The following LRBA variants were observed in gnomAD, a reference collection of about 807,000 sequenced individuals.
LRBA encodes the protein lipopolysaccharide-responsive and beige-like anchor protein.
A neutral mutation model predicts 330.0 loss-of-function variants in LRBA; 176 were observed. That is an observed-to-expected ratio of 0.53 (90% CI 0.47 to 0.60). LRBA has a LOEUF of 0.60. Among genes scored for constraint, LRBA ranks in the 20% least tolerant of loss-of-function variants. LRBA has a pLI of 0.00. For missense variants in LRBA, 3,259 were observed against 3,444.8 expected (o/e 0.95, Z 1.35); for synonymous variants, 1,230 against 1,193.0 (o/e 1.03, Z -0.64).
chr4:150,642,879 A>C (rs1778810835), intron 37 of LRBA, among the ~76,000 whole-genome samples: 1 of 151,864 alleles, frequency 6.6e-6, no homozygotes, highest in Non-Finnish European at 1.5e-5. Context: ...TCAAAGAAAA[A>C]ATGTTCAAAT....
chr4:150,757,398 C>G (rs938295767), intron 35 of LRBA, among the ~76,000 whole-genome samples: 3 of 152,124 alleles, frequency 2.0e-5, no homozygotes, highest in Non-Finnish European at 2.9e-5. Context: ...TGACACTCTA[C>G]AAGTCTGTTA....
chr4:150,478,915 T>C (rs1265409737), intron 42 of LRBA, among the ~76,000 whole-genome samples: 1 of 152,172 alleles, frequency 6.6e-6, no homozygotes, highest in African/African-American at 2.4e-5. Flanking sequence ...ATGGGTAAAA[T>C]GGTTTCTATC....
In LRBA at chr4:150,467,692, T is replaced by G; in HGVS notation, c.6761A>C (p.Asn2254Thr). The change falls in exon 44 of 57, where the codon AAC becomes ACC. Residue 2254 changes from asparagine to threonine, a missense_variant. By Grantham distance (65) the Asn-to-Thr change is moderately conservative. Coordinates refer to ENST00000651943, the MANE Select transcript of LRBA (RefSeq NM_001364905.1). ...AATTACCTTGGACAAATCTCTGAAG[T>G]TGGTGGGCAAGGTAAGATCCAGTTC... is the stretch of plus-strand genomic sequence containing the variant. ...SEELDLTLPTNFRDLSKPIGA... is the reference protein window; with the variant it reads ...SEELDLTLPTTFRDLSKPIGA... 6.3e-7 allele frequency: 1 copy of G among 1,595,580 alleles called. No individual in the cohort carries two copies. The highest frequency in any genetic ancestry group is 8.6e-7 in the Non-Finnish European group (1 of 1,165,284).
chr4:150,683,607 C>T lies in LRBA; in HGVS notation c.5865G>A (p.Gln1955=), dbSNP rs1320467716. The part of the protein sequence containing the change: ...RDHVTATQLI[Q]KIINILTDKH... ...TGTCTGTGAGAATGTTGATAATTTT[C>T]TGGATTAGTTGAGTTGCTGTCACGT... The change falls in exon 37 of 57, where the codon CAG becomes CAA. Residue 1955 remains glutamine (Q), a synonymous_variant. Transcript: ENST00000651943. 6.2e-7 allele frequency: 1 copy of T among 1,613,820 alleles called. No individual in the cohort carries two copies. The highest frequency in any genetic ancestry group is 1.7e-5 in the Admixed American group (1 of 59,996).
At position 150,823,227 on chromosome 4, in the gene LRBA, T is replaced by C. The variant is rs756633575; in HGVS notation, c.5171+4953A>G. On this transcript the variant is annotated intron_variant, in intron 30 of 56. Coordinates refer to ENST00000651943, the MANE Select transcript of LRBA (RefSeq NM_001364905.1). Reference sequence around the variant, plus strand: ...ACATTTCTATGTCTTCTTTGAGAAATGTCTATTGAGATCTTTAGCCCATTT... The same window carrying C: ...ACATTTCTATGTCTTCTTTGAGAAACGTCTATTGAGATCTTTAGCCCATTT... Among the ~76,000 whole-genome samples the C allele has an allele frequency of 3.9e-5, 6 of 152,332 alleles. 1 individual carries two copies. The highest frequency in any genetic ancestry group is 1.5e-5 in the Non-Finnish European group (1 of 68,024).
intron 36 of LRBA, among the ~76,000 whole-genome samples, chr4:150,722,088 T>C (rs1435600914): frequency 1.3e-5 from 2 of 152,140 alleles, no homozygotes; most frequent in Non-Finnish European, 2.9e-5. Context: ...TGCCCTTCCA[T>C]TGCAATGCAA....
chr4:150,335,984 C>T (rs951454838), intron 48 of LRBA, among the ~76,000 whole-genome samples: 28 of 152,240 alleles, frequency 1.8e-4, no homozygotes, highest in African/African-American at 6.3e-4. Flanking sequence ...GCCTAAGCCA[C>T]CACGCCTGGC....
intron 40 of LRBA, chr4:150,581,095 CCTA>C (rs549044805): frequency 1.8e-5 from 3 of 166,432 alleles, no homozygotes; most frequent in Non-Finnish European, 3.9e-5. Flanking sequence ...AAAAGTATAT[CCTA>C]CTAAGTTCTA....
chr4:150,735,223 G>A (rs774886073), intron 36 of LRBA, 35 bp downstream of exon 36: 2 of 1,453,804 alleles, frequency 1.4e-6, no homozygotes, highest in African/African-American at 1.4e-5. Context: ...TTAAAAAACG[G>A]TAACTTCCGC....
intron 37 of LRBA, among the ~76,000 whole-genome samples, chr4:150,604,468 T>C (rs1290601970): frequency 1.3e-5 from 2 of 152,132 alleles, no homozygotes; most frequent in African/African-American, 2.4e-5. Context: ...TAACATGGTA[T>C]GAATGGCCAA....
At chr4:150,555,840 T>C (rs1022778111) in intron 40 of LRBA, among the ~76,000 whole-genome samples, 4 of 151,888 alleles carry the variant, frequency 2.6e-5, no homozygotes, top group Non-Finnish European at 5.9e-5. Context: ...TCTTCCTTTG[T>C]CACCCAGGCT....
At chr4:150,309,272 T>G (rs1730755377) in intron 52 of LRBA, among the ~76,000 whole-genome samples, 1 of 152,162 alleles carries the variant, frequency 6.6e-6, no homozygotes, top group African/African-American at 2.4e-5. Context: ...TGTACAGATT[T>G]GTAGCCTAGG....
At chr4:150,470,127 G>A (rs1368395793) in intron 43 of LRBA, among the ~76,000 whole-genome samples, 1 of 152,180 alleles carries the variant, frequency 6.6e-6, no homozygotes. Flanking sequence ...AGGTTGCAGT[G>A]AGCCGAGATC....
At chr4:150,413,004 C>A (rs58062045) in intron 47 of LRBA, among the ~76,000 whole-genome samples, 3,395 of 151,708 alleles carry the variant, frequency 0.022, 122 homozygotes, top group African/African-American at 0.076. Context: ...AGATCTCTTA[C>A]AATTCACTAA....
chr4:151,013,047 G>A (rs1487051521), intron 2 of LRBA: 1 of 152,194 alleles, frequency 6.6e-6, no homozygotes, highest in East Asian at 1.9e-4. Flanking sequence ...TTACAGGCGT[G>A]AGTCACCACG....
At chr4:150,396,231 C>A (rs943439481) in intron 47 of LRBA, among the ~76,000 whole-genome samples, 1 of 152,180 alleles carries the variant, frequency 6.6e-6, no homozygotes, top group Admixed American at 6.5e-5. Context: ...TCTTCTCTTG[C>A]CCTTAGGCAT....
intron 40 of LRBA, among the ~76,000 whole-genome samples, chr4:150,558,132 C>T (rs929162660): frequency 1.3e-5 from 2 of 152,100 alleles, no homozygotes; most frequent in Non-Finnish European, 2.9e-5. Flanking sequence ...CTCCTAACCT[C>T]AAATGATCCA....
chr4:150,310,580 A>C, intron 51 of LRBA, 196 bp from the exon 52 acceptor site: 1 of 480,760 alleles, frequency 2.1e-6, no homozygotes. Context: ...ATCTCAGTTA[A>C]AAATTTTGCT....
chr4:150,820,409 T>C (rs1267443525), intron 30 of LRBA, among the ~76,000 whole-genome samples: 1 of 151,982 alleles, frequency 6.6e-6, no homozygotes, highest in Non-Finnish European at 1.5e-5. Context: ...ACCACAATCA[T>C]ATTAACATTT....
Sources: gnomAD v4.1 joint callset for allele counts (sites outside exome capture counted in the v4.1 genomes callset) on GRCh38, gnomAD v4.1.1 for gene constraint, MANE v1.5 for transcripts, NCBI Gene and HGNC (gene_info 2026-07-23, HGNC 2026-07-21) for gene names.